PDS5B: variants seen among roughly 807,000 people sequenced by gnomAD.
PDS5B encodes sister chromatid cohesion protein PDS5 homolog B.
In PDS5B, 51 loss-of-function variants were observed where a neutral mutation model predicts 184.1. That is an observed-to-expected ratio of 0.28 (90% confidence interval 0.22 to 0.35). The LOEUF is 0.35. PDS5B is among the 10% of genes least tolerant of loss of function. The pLI, the probability that PDS5B is intolerant of heterozygous loss-of-function variation, is 1.00. For missense variants in PDS5B, 1,180 were observed against 1,723.3 expected (o/e 0.68, Z 5.58); for synonymous variants, 566 against 569.2 (o/e 0.99, Z 0.08).
At chr13:32,680,409 C>G (rs1293436158) in intron 10 of PDS5B, among the ~76,000 whole-genome samples, 1 of 152,200 alleles carries the variant, frequency 6.6e-6, no homozygotes, top group Non-Finnish European at 1.5e-5. Flanking sequence ...GATACTTCCT[C>G]TTCATCCTGT....
chr13:32,636,173 G>A (rs1211402185), intron 1 of PDS5B, among the ~76,000 whole-genome samples: 1 of 152,198 alleles, frequency 6.6e-6, no homozygotes, highest in Non-Finnish European at 1.5e-5. Context: ...ACTACAGGGT[G>A]ACTGTATGCG....
chr13:32,723,762 G>GT (rs1382393658), intron 19 of PDS5B, among the ~76,000 whole-genome samples: 22 of 152,152 alleles, frequency 1.4e-4, no homozygotes, highest in Non-Finnish European at 2.8e-4. Context: ...TATCTATGAA[G>GT]TTTAGTTACT....
At chr13:32,752,631 C>T (rs957822720) in intron 24 of PDS5B, among the ~76,000 whole-genome samples, 3 of 152,136 alleles carry the variant, frequency 2.0e-5, no homozygotes, top group Admixed American at 6.5e-5. Context: ...TTACACACTG[C>T]GTTCTGTCTG....
In PDS5B at chr13:32,754,612, T is replaced by C. The variant is rs541082843; in HGVS notation, c.2941+1076T>C. The stretch of plus-strand genomic sequence containing the variant: ...TTTTTTCCTTCCTTACGCTGGAAAA[T>C]GTGAGGGGTCTGCAGTCACATCCCA... On this transcript the variant is annotated intron_variant, in intron 25 of 34. Transcript: ENST00000315596. Among the ~76,000 whole-genome samples the C allele has an allele frequency of 5.9e-5, 9 of 152,134 alleles. No individual in the cohort carries two copies. In the South Asian group the frequency reaches 1.7e-3, roughly 28 times the overall value.
intron 3 of PDS5B, among the ~76,000 whole-genome samples, 160 bp from the exon 4 acceptor site, chr13:32,658,076 AAGG>A (rs1179378201): frequency 7.9e-5 from 12 of 152,166 alleles, no homozygotes; most frequent in Admixed American, 2.0e-4. Context: ...TGTTCATATA[AAGG>A]TGTACTTTTA....
At chr13:32,754,267 G>A (rs143681180) in intron 25 of PDS5B, among the ~76,000 whole-genome samples, 15 of 152,182 alleles carry the variant, frequency 9.9e-5, no homozygotes, top group African/African-American at 3.6e-4. Flanking sequence ...GATCACATCA[G>A]TCCCTTACTT....
intron 20 of PDS5B, 83 bp from the exon 21 acceptor site, chr13:32,735,089 T>G: frequency 1.2e-6 from 1 of 803,780 alleles, no homozygotes; most frequent in Non-Finnish European, 1.8e-6. Context: ...CAAAATAAAT[T>G]TTGTAATTTG....
intron 31 of PDS5B, among the ~76,000 whole-genome samples, chr13:32,767,655 T>C (rs554520132): frequency 4.6e-4 from 70 of 152,222 alleles, no homozygotes; most frequent in African/African-American, 1.4e-3. Flanking sequence ...AGTACCTATA[T>C]GTAGAAAATC....
intron 1 of PDS5B, among the ~76,000 whole-genome samples, chr13:32,623,246 T>C (rs1279688928): frequency 6.6e-6 from 1 of 152,184 alleles, no homozygotes; most frequent in African/African-American, 2.4e-5. Flanking sequence ...AGTGATGTTA[T>C]CTATAAGAGC....
At chr13:32,615,095 T>A (rs1469933610) in intron 1 of PDS5B, among the ~76,000 whole-genome samples, 1 of 152,226 alleles carries the variant, frequency 6.6e-6, no homozygotes, top group Non-Finnish European at 1.5e-5. Flanking sequence ...TTGTGCCCCC[T>A]ATCAATTATT....
chr13:32,731,930 A>G (rs889095759), intron 19 of PDS5B, among the ~76,000 whole-genome samples, 171 bp from the exon 20 acceptor site: 2 of 152,220 alleles, frequency 1.3e-5, no homozygotes, highest in East Asian at 1.9e-4. Context: ...CATTTTTAAT[A>G]TAAATATTTA....
rs1216910575 is a variant in PDS5B at position 32,758,103 on chromosome 13, C to G, written c.3073C>G (p.Leu1025Val). 2 of 1,300,770 alleles carry G rather than the reference C, an allele frequency of 1.5e-6. No homozygotes were observed. Among genetic ancestry groups the G allele is most frequent in the Non-Finnish European group, 2.0e-6 (2 of 982,268 alleles). 80.6% of individuals were successfully genotyped at this position (1,300,770 alleles called of 1,614,324 possible). A position where few individuals can be genotyped will look rare whatever the true frequency, so the allele number is the denominator to read the frequency against. Residue 1025 changes from leucine to valine, a missense_variant, in exon 27 of 35, where the codon CTG becomes GTG. Around this residue, in one of 11 missense-constraint regions of PDS5B, gnomAD observed 57 missense variants for 80.9 expected, o/e 0.70. Transcript: ENST00000315596. ...KDVKECLWFV[L>V]EILMAKNENN... ...TTTTTTTAGATGTCTTTGGTTTGTT[C>G]TGGAAATATTAATGGCTAAAAATGA... is the stretch of plus-strand genomic sequence containing the variant.
chr13:32,607,683 T>G (rs962506233), intron 1 of PDS5B, among the ~76,000 whole-genome samples: 1 of 133,698 alleles, frequency 7.5e-6, no homozygotes, highest in Non-Finnish European at 1.7e-5. Flanking sequence ...GCAGGCCTCC[T>G]TTAGCTGGGG....
rs886906479 is a variant in PDS5B, at chr13:32,775,562, C to G, written c.*510C>G. 2.4e-6 allele frequency: 1 copy of G among 425,388 alleles called. No individual in the cohort carries two copies. The highest frequency in any genetic ancestry group is 4.7e-6 in the Non-Finnish European group (1 of 214,200). 26.4% of individuals were successfully genotyped at this position (425,388 alleles called of 1,614,324 possible). A position where few individuals can be genotyped will look rare whatever the true frequency, so the allele number is the denominator to read the frequency against. Reference sequence around the variant, plus strand: ...ACTATTTGTTGGAGAGTTAAATGGTCTCTTCCCTTTGTGTATCTTACCTAG... The same window carrying G: ...ACTATTTGTTGGAGAGTTAAATGGTGTCTTCCCTTTGTGTATCTTACCTAG... On this transcript the variant is annotated 3_prime_UTR_variant, in exon 35 of 35. Coordinates refer to ENST00000315596, the MANE Select transcript of PDS5B (RefSeq NM_015032.4).
chr13:32,641,405 G>A (rs1416331342), intron 1 of PDS5B, among the ~76,000 whole-genome samples: 4 of 151,514 alleles, frequency 2.6e-5, no homozygotes, highest in Non-Finnish European at 4.4e-5. Flanking sequence ...TCATTTTCTG[G>A]ACACTTTTTT....
intron 19 of PDS5B, among the ~76,000 whole-genome samples, chr13:32,714,357 C>T (rs921379796): frequency 1.3e-5 from 2 of 151,722 alleles, no homozygotes; most frequent in Admixed American, 6.6e-5. Context: ...AGGACTGAGG[C>T]GAAATTAAAA....
At chr13:32,714,186 C>T (rs565952199) in intron 19 of PDS5B, among the ~76,000 whole-genome samples, 11 of 152,330 alleles carry the variant, frequency 7.2e-5, no homozygotes, top group Middle Eastern at 3.4e-3. Flanking sequence ...GATGAGATCA[C>T]AGGACCACAG....
intron 1 of PDS5B, among the ~76,000 whole-genome samples, chr13:32,646,997 G>GT (rs1950244739): frequency 1.3e-5 from 2 of 152,128 alleles, no homozygotes; most frequent in Admixed American, 1.3e-4. Context: ...TCAAGGTACT[G>GT]TGTGTGCTCT....
chr13:32,725,626 G>T (rs1220009581), intron 19 of PDS5B, among the ~76,000 whole-genome samples: 2 of 152,146 alleles, frequency 1.3e-5, no homozygotes, highest in Non-Finnish European at 2.9e-5. Flanking sequence ...TTTGAAAGAT[G>T]AAATTCATGT....
Sources: gnomAD v4.1 joint callset for allele counts (sites outside exome capture counted in the v4.1 genomes callset) on GRCh38, gnomAD v4.1.1 for gene constraint, gnomAD v4.1.1 regional missense constraint, MANE v1.5 for transcripts, NCBI Gene and HGNC (gene_info 2026-07-23, HGNC 2026-07-21) for gene names.